FMNL2: variants seen among roughly 807,000 people sequenced by gnomAD.
The protein encoded by FMNL2 is formin-like protein 2.
FMNL2 carries 51 observed loss-of-function variants against 130.2 expected under a neutral mutation model. That is an observed-to-expected ratio of 0.39 (90% CI 0.31 to 0.49). FMNL2 has a LOEUF of 0.49. Among genes scored for constraint, FMNL2 ranks in the 20% least tolerant of loss-of-function variants. The pLI is 0.85. For missense variants in FMNL2, 977 were observed against 1,316.2 expected, an observed-to-expected ratio of 0.74 and a Z score of 3.99; for synonymous variants, 465 against 467.1, an observed-to-expected ratio of 1.00 and a Z score of 0.06.
chr2:152,384,459 G>A (rs1237527206), intron 1 of FMNL2, among the ~76,000 whole-genome samples: 1 of 152,210 alleles, frequency 6.6e-6, no homozygotes, highest in Non-Finnish European at 1.5e-5. Context: ...TGGAATGACT[G>A]TGGGTAGAAC....
At chr2:152,578,650 C>G (rs184155740) in intron 7 of FMNL2, 94 of 331,246 alleles carry the variant, frequency 2.8e-4, no homozygotes, top group Middle Eastern at 1.7e-3. Flanking sequence ...CTGTACCCCC[C>G]GCCTCAGCCT....
Position 152,611,605 on chromosome 2 carries a change from C to A in FMNL2, c.1062C>A (p.Asp354Glu). ...AATTAGGCCTGGACGAATACTTGGACGTGAGTATAGCTGTGACCTTTGGCT... is the reference window on the plus strand; with the variant it reads ...AATTAGGCCTGGACGAATACTTGGAAGTGAGTATAGCTGTGACCTTTGGCT... ...FTKLGLDEYLDKLKHTESDKL... is the reference protein window; with the variant it reads ...FTKLGLDEYLEKLKHTESDKL... Residue 354 changes from aspartate to glutamate, a missense_variant and splice_region_variant, in exon 11 of 26, where the codon GAC (aspartate) becomes GAA (glutamate). This residue lies in a region of FMNL2 where 689 missense variants were observed against 995.9 expected (regional missense o/e 0.69). Transcript: ENST00000288670. 1.3e-6 allele frequency: 2 copies of A among 1,569,376 alleles called. No homozygotes were observed. The highest frequency in any genetic ancestry group is 1.7e-6 in the Non-Finnish European group (2 of 1,145,584).
At chr2:152,459,582 T>C (rs1379956710) in intron 1 of FMNL2, among the ~76,000 whole-genome samples, 1 of 152,244 alleles carries the variant, frequency 6.6e-6, no homozygotes, top group African/African-American at 2.4e-5. Flanking sequence ...ATCAACTTTA[T>C]AGACGTTGAA....
chr2:152,486,096 A>G (rs1044452486), intron 1 of FMNL2, among the ~76,000 whole-genome samples: 2 of 152,212 alleles, frequency 1.3e-5, no homozygotes, highest in African/African-American at 2.4e-5. Context: ...GCTAGTCCCC[A>G]TGGTTACTGG....
chr2:152,341,949 G>A (rs533798561), intron 1 of FMNL2, among the ~76,000 whole-genome samples: 29 of 152,316 alleles, frequency 1.9e-4, no homozygotes, highest in African/African-American at 5.8e-4. Context: ...CAAGAAGATA[G>A]GAAGTACATT....
At chr2:152,521,840 A>G in intron 1 of FMNL2, 103 bp from the exon 2 acceptor site, 3 of 855,628 alleles carry the variant, frequency 3.5e-6, no homozygotes, top group Non-Finnish European at 5.7e-6. Flanking sequence ...AGAGAAAGTC[A>G]TGAAAAAACC....
chr2:152,602,314 G>T lies in FMNL2; in HGVS notation c.877-5025G>T, dbSNP rs185836696. On this transcript the variant is annotated intron_variant, in intron 9 of 25. Coordinates refer to ENST00000288670, the MANE Select transcript of FMNL2 (RefSeq NM_052905.4). ...ATTCACTTGCAGCCGGTTTATAGAT[G>T]ATTTATAATGAAGATGCCTCTTGGT... Among the ~76,000 whole-genome samples, 18 of 152,292 alleles carry T rather than the reference G, an allele frequency of 1.2e-4. 1 individual carries two copies. In the East Asian group the frequency reaches 3.5e-3, roughly 29 times the overall value.
At chr2:152,346,581 C>G (rs1682135767) in intron 1 of FMNL2, among the ~76,000 whole-genome samples, 1 of 151,898 alleles carries the variant, frequency 6.6e-6, no homozygotes, top group South Asian at 2.1e-4. Context: ...ATTGCTTGAG[C>G]CCAGCAGTTC....
intron 1 of FMNL2, among the ~76,000 whole-genome samples, chr2:152,512,885 G>A (rs1212439951): frequency 6.6e-6 from 1 of 152,154 alleles, no homozygotes; most frequent in Non-Finnish European, 1.5e-5. Flanking sequence ...CATTAAAGTA[G>A]CAAATTTCAA....
Position 152,335,864 on chromosome 2 carries a change from C to T in FMNL2, c.117+144C>T, listed in dbSNP as rs556501958. ...GGCTCCCGCTTTCCCCTTTGTGGCC[C>T]CCCAGCACTCCTCTTCACCCCCCTG... is the stretch of plus-strand genomic sequence containing the variant. On this transcript the variant is annotated intron_variant, in intron 1 of 25. Coordinates refer to ENST00000288670, the MANE Select transcript of FMNL2 (RefSeq NM_052905.4). The T allele has an allele frequency of 7.2e-4, 384 of 534,846 alleles. 5 individuals are homozygous for T. In the East Asian group the frequency reaches 0.015, roughly 21 times the overall value. 33.1% of individuals were successfully genotyped at this position (534,846 alleles called of 1,614,324 possible).
chr2:152,560,232 T>C (rs1425169933), intron 5 of FMNL2, among the ~76,000 whole-genome samples: 2 of 152,074 alleles, frequency 1.3e-5, no homozygotes, highest in Non-Finnish European at 2.9e-5. Context: ...CACAAAAGCC[T>C]GTCTGTTTAA....
intron 1 of FMNL2, among the ~76,000 whole-genome samples, chr2:152,360,373 C>A (rs1305653461): frequency 6.6e-6 from 1 of 151,876 alleles, no homozygotes; most frequent in African/African-American, 2.4e-5. Context: ...ACTCTGTTGC[C>A]CAGGCTGGAG....
intron 9 of FMNL2, among the ~76,000 whole-genome samples, chr2:152,596,119 C>T (rs1031239183): frequency 6.3e-5 from 8 of 127,480 alleles, no homozygotes; most frequent in African/African-American, 1.4e-4. Flanking sequence ...TGTGCCACAA[C>T]GCCTGGGTGA....
intron 15 of FMNL2, among the ~76,000 whole-genome samples, chr2:152,623,981 A>C (rs912749466): frequency 6.7e-6 from 1 of 148,826 alleles, no homozygotes; most frequent in East Asian, 2.0e-4. Context: ...CTTGCTTTTC[A>C]AAATGAAGGG....
chr2:152,561,006 C>T lies in FMNL2; in HGVS notation c.567C>T (p.Val189=). ...TGCCCTCACCTGTGGGCAACAGTGT[C>T]TCCCGCTCTGGAAGACATTCTGCAC... ...SNLPSPVGNS[V]SRSGRHSALR... is the part of the protein sequence containing the mutation. Residue 189 remains valine, a synonymous_variant, in exon 6 of 26, where the codon GTC becomes GTT. Transcript: ENST00000288670. 6.2e-7 allele frequency: 1 copy of T among 1,602,718 alleles called. No individual in the cohort carries two copies. Among genetic ancestry groups the T allele is most frequent in the South Asian group, 1.1e-5 (1 of 89,172 alleles).
chr2:152,423,954 C>G (rs1687044796), intron 1 of FMNL2, among the ~76,000 whole-genome samples: 1 of 152,130 alleles, frequency 6.6e-6, no homozygotes, highest in Non-Finnish European at 1.5e-5. Context: ...GCCCATTAAC[C>G]TTGCCTATTT....
At chr2:152,427,267 C>T (rs570916078) in intron 1 of FMNL2, among the ~76,000 whole-genome samples, 25 of 152,174 alleles carry the variant, frequency 1.6e-4, no homozygotes, top group Non-Finnish European at 3.4e-4. Flanking sequence ...CATTGTTTGG[C>T]TGGGTGTGGT....
intron 1 of FMNL2, among the ~76,000 whole-genome samples, chr2:152,500,588 G>A (rs1478650531): frequency 3.9e-5 from 6 of 152,192 alleles, no homozygotes; most frequent in African/African-American, 9.7e-5. Context: ...GATGGCTCAC[G>A]CCTGTAATCC....
intron 9 of FMNL2, among the ~76,000 whole-genome samples, chr2:152,600,605 C>T (rs966415825): frequency 6.6e-6 from 1 of 152,232 alleles, no homozygotes; most frequent in Middle Eastern, 3.4e-3. Flanking sequence ...ATCCCCTAAC[C>T]GCCGCCCACC....
Sources: allele counts gnomAD v4.1 joint callset (sites outside exome capture counted in the v4.1 genomes callset), GRCh38; gene constraint gnomAD v4.1.1; regional missense constraint gnomAD v4.1.1; transcripts MANE v1.5; gene names NCBI Gene and HGNC (gene_info 2026-07-23, HGNC 2026-07-21).